COL27A1: variants seen among roughly 807,000 people sequenced by gnomAD.
COL27A1 encodes the protein collagen alpha-1(XXVII) chain.
COL27A1 carries 106 observed loss-of-function variants against 251.3 expected under a neutral mutation model. That is an observed-to-expected ratio of 0.42 (90% CI 0.36 to 0.50). The LOEUF is 0.50. Among genes scored for constraint, COL27A1 ranks in the 20% least tolerant of loss-of-function variants. The pLI, the probability that COL27A1 is intolerant of heterozygous loss-of-function variation, is 0.00. For synonymous variants in COL27A1, 1,000 were observed against 986.3 expected (o/e 1.01, Z -0.26); for missense variants, 2,325 against 2,522.8 (o/e 0.92, Z 1.68).
At chr9:114,285,967 G>A (rs1827452057) in intron 41 of COL27A1, among the ~76,000 whole-genome samples, 1 of 152,242 alleles carries the variant, frequency 6.6e-6, no homozygotes, top group Non-Finnish European at 1.5e-5. Context: ...GCCTCATCAA[G>A]TGGTGGGGTC....
chr9:114,223,243 A>G (rs944400525), intron 14 of COL27A1, among the ~76,000 whole-genome samples: 4 of 152,106 alleles, frequency 2.6e-5, no homozygotes, highest in Non-Finnish European at 5.9e-5. Flanking sequence ...ATGGGGTTTG[A>G]GTTTGGGGGC....
intron 27 of COL27A1, 67 bp from the exon 28 acceptor site, chr9:114,258,473 TC>T: frequency 6.7e-7 from 1 of 1,497,334 alleles, no homozygotes; most frequent in Non-Finnish European, 9.1e-7. Flanking sequence ...TGCCCCACAC[TC>T]CCAGCCCCCC....
chr9:114,267,063 A>T (rs1588827355), intron 33 of COL27A1, among the ~76,000 whole-genome samples: 1 of 152,198 alleles, frequency 6.6e-6, no homozygotes, highest in Non-Finnish European at 1.5e-5. Flanking sequence ...GGTTTATGCA[A>T]GGGCTGCAGC....
intron 28 of COL27A1, 61 bp from the exon 29 acceptor site, chr9:114,264,294 G>T: frequency 1.5e-6 from 2 of 1,378,744 alleles, no homozygotes; most frequent in East Asian, 2.6e-5. Flanking sequence ...CCGCCCTCCT[G>T]GTTCTCCGCC....
intron 23 of COL27A1, among the ~76,000 whole-genome samples, chr9:114,244,540 G>T (rs978034701): frequency 6.6e-6 from 1 of 152,208 alleles, no homozygotes; most frequent in Non-Finnish European, 1.5e-5. Flanking sequence ...CAAGTTTACA[G>T]ATGGGCAAAC....
At chr9:114,258,232 GAGGAAA>G (rs1474312866) in intron 27 of COL27A1, among the ~76,000 whole-genome samples, 1 of 152,192 alleles carries the variant, frequency 6.6e-6, no homozygotes, top group Non-Finnish European at 1.5e-5. Flanking sequence ...TGTTGATTTT[GAGGAAA>G]AGGAGAAGAA....
chr9:114,171,051 T>C (rs1849283583), intron 3 of COL27A1, among the ~76,000 whole-genome samples: 1 of 152,204 alleles, frequency 6.6e-6, no homozygotes, highest in Non-Finnish European at 1.5e-5. Flanking sequence ...GCAGATTCTA[T>C]AGTATCTTGG....
intron 14 of COL27A1, among the ~76,000 whole-genome samples, chr9:114,225,801 C>T (rs1232888701): frequency 6.6e-6 from 1 of 152,216 alleles, no homozygotes; most frequent in Admixed American, 6.5e-5. Flanking sequence ...ACCTTCCTTC[C>T]GTCCCCCGGG....
In COL27A1 at chr9:114,222,265, A is replaced by G. The variant is rs1236220570; in HGVS notation, c.2464A>G (p.Ile822Val). Residue 822 changes from isoleucine to valine, a missense_variant and splice_region_variant, in exon 14 of 61, where the codon ATT becomes GTT. Around this residue, in one of 4 missense-constraint regions of COL27A1, gnomAD observed 1,183 missense variants for 1,144.1 expected, o/e 1.03. Coordinates refer to ENST00000356083, the MANE Select transcript of COL27A1 (RefSeq NM_032888.4). ...LPGPPGVPGL[I>V]GDLGVLGPIG... ...AGGCCCCCCTGGAGTCCCCGGCCTCATTGTAAGTACATTGATGCCTGGGGC... is the reference window on the plus strand; with the variant it reads ...AGGCCCCCCTGGAGTCCCCGGCCTCGTTGTAAGTACATTGATGCCTGGGGC... 1 of 1,613,404 alleles carries G rather than the reference A, an allele frequency of 6.2e-7. No individual in the cohort carries two copies. Among genetic ancestry groups the G allele is most frequent in the Admixed American group, 1.7e-5 (1 of 60,012 alleles).
At chr9:114,262,888 G>A (rs1159185284) in intron 28 of COL27A1, among the ~76,000 whole-genome samples, 2 of 151,392 alleles carry the variant, frequency 1.3e-5, no homozygotes, top group African/African-American at 4.9e-5. Context: ...GCTGAGAAGT[G>A]GAATTTTCAC....
intron 56 of COL27A1, among the ~76,000 whole-genome samples, chr9:114,303,110 T>C (rs763144542): frequency 2.6e-4 from 39 of 152,280 alleles, no homozygotes; most frequent in Admixed American, 9.2e-4. Flanking sequence ...GAAAGGAAAG[T>C]GAAAAGATCC....
At chr9:114,273,450 T>A (rs193264915) in intron 36 of COL27A1, 1 of 152,380 alleles carries the variant, frequency 6.6e-6, no homozygotes, top group East Asian at 1.9e-4. Flanking sequence ...CCAACTGAAC[T>A]AGAAACTGCC....
At position 114,196,137 on chromosome 9, in the gene COL27A1, G is replaced by GT; in HGVS notation, c.2124+126dup. On this transcript the variant is annotated intron_variant, in intron 7 of 60. Transcript: ENST00000356083. ...CCAGCCCAGCTCCCCTGGGCACAGG[G>GT]TACATGGGTGAGAGGTGAGAGAGCT... 9.6e-6 allele frequency: 8 copies of GT among 830,568 alleles called. 1 individual carries two copies. The Admixed American group carries it at 1.5e-4, about 15-fold the overall frequency. The allele number at this position is 830,568 out of a possible 1,614,324, so 51.4% of individuals were successfully genotyped here. A position where few individuals can be genotyped will look rare whatever the true frequency, so the allele number is the denominator to read the frequency against.
In COL27A1 at chr9:114,169,205, C is replaced by T. The variant is rs1385246298; in HGVS notation, c.1650C>T (p.Ser550=). 1.2e-6 allele frequency: 2 copies of T among 1,614,062 alleles called. No homozygotes were observed. Among genetic ancestry groups the T allele is most frequent in the East Asian group, 2.2e-5 (1 of 44,874 alleles). The change falls in exon 3 of 61, where the codon AGC becomes AGT. Residue 550 remains serine, a synonymous_variant. Coordinates refer to ENST00000356083, the MANE Select transcript of COL27A1 (RefSeq NM_032888.4). ...CAAAGAAAGCCGGACCCAAGAGCAG[C>T]CCCCGGAAGCCTGTCCCCCTCAGAC... ...EASKKAGPKS[S]PRKPVPLRPG... is the part of the protein sequence containing the mutation.
intron 28 of COL27A1, among the ~76,000 whole-genome samples, chr9:114,258,911 C>G (rs1465991683): frequency 6.6e-6 from 1 of 152,250 alleles, no homozygotes; most frequent in African/African-American, 2.4e-5. Flanking sequence ...GTTGGAGGCT[C>G]TACAGGTATA....
Position 114,215,645 on chromosome 9 carries a change from G to A in COL27A1, c.2368-4146G>A, listed in dbSNP as rs560563332. ...ACCTAGAAAAGAATATGGCTGCTTC[G>A]AGTGCAGCAGGAAGGATGCAGGTTA... is the stretch of plus-strand genomic sequence containing the variant. On this transcript the variant is annotated intron_variant, in intron 12 of 60. Coordinates refer to ENST00000356083, the MANE Select transcript of COL27A1 (RefSeq NM_032888.4). Among the ~76,000 whole-genome samples the A allele has an allele frequency of 7.9e-5, 12 of 152,264 alleles. No homozygotes were observed. In the South Asian group the frequency reaches 2.1e-3, roughly 26 times the overall value.
intron 30 of COL27A1, 45 bp downstream of exon 30, chr9:114,265,013 C>T: frequency 2.5e-6 from 4 of 1,612,534 alleles, no homozygotes; most frequent in Non-Finnish European, 3.4e-6. Flanking sequence ...GGCCCCCTCC[C>T]TGCTCCGTGC....
At position 114,177,072 on chromosome 9, in the gene COL27A1, C is replaced by A. The variant is rs144437951; in HGVS notation, c.1909-1219C>A. On this transcript the variant is annotated intron_variant, in intron 3 of 60. Coordinates refer to ENST00000356083, the MANE Select transcript of COL27A1 (RefSeq NM_032888.4). The stretch of plus-strand genomic sequence containing the variant: ...TCCTTCAAAGGCTGCAGGCACAGTT[C>A]TTCACATCAGGCGCTTAGTTAATCC... Among the ~76,000 whole-genome samples, 182 of 152,322 alleles carry A rather than the reference C, an allele frequency of 1.2e-3. 1 individual carries two copies. In the Middle Eastern group the frequency reaches 0.017, roughly 14 times the overall value.
chr9:114,256,986 T>C (rs923998931), intron 27 of COL27A1, among the ~76,000 whole-genome samples: 3 of 152,134 alleles, frequency 2.0e-5, no homozygotes, highest in African/African-American at 7.2e-5. Context: ...CAGAACTGCC[T>C]TTTATGGGGC....
Sources: allele counts gnomAD v4.1 joint callset (sites outside exome capture counted in the v4.1 genomes callset), GRCh38; gene constraint gnomAD v4.1.1; regional missense constraint gnomAD v4.1.1; transcripts MANE v1.5; gene names NCBI Gene and HGNC (gene_info 2026-07-23, HGNC 2026-07-21).